CSMD1: variants seen among roughly 807,000 people sequenced by gnomAD.
The protein encoded by CSMD1 is CUB and Sushi multiple domains 1, also known as CUB and sushi domain-containing protein 1.
Under a neutral mutation model 417.5 loss-of-function variants are expected in CSMD1, and 213 were observed. The observed-to-expected ratio is 0.51, with a 90% CI of 0.46 to 0.57. CSMD1 has a LOEUF of 0.57. Ranked by LOEUF, CSMD1 falls within the 20% of genes least tolerant of loss-of-function variation. The pLI, the probability that CSMD1 is intolerant of heterozygous loss-of-function variation, is 0.00. For synonymous variants in CSMD1, 2,862 were observed against 1,736.8 expected (o/e 1.65, Z -16.11); for missense variants, 6,923 against 4,529.7 (o/e 1.53, Z -15.17).
chr8:3,251,580 G>C (rs957031313), intron 26 of CSMD1, among the ~76,000 whole-genome samples: 5 of 152,126 alleles, frequency 3.3e-5, no homozygotes, highest in Non-Finnish European at 5.9e-5. Context: ...CTTTAAAGTA[G>C]TTTTTTCCAA....
At chr8:4,422,989 A>G (rs145959427) in intron 2 of CSMD1, among the ~76,000 whole-genome samples, 176 of 152,210 alleles carry the variant, frequency 1.2e-3, no homozygotes, top group African/African-American at 2.8e-3. Flanking sequence ...TGAACATGAG[A>G]AAAGTTCTCA....
chr8:3,415,949 C>A (rs575547703), intron 12 of CSMD1, among the ~76,000 whole-genome samples: 1,887 of 152,216 alleles, frequency 0.012, 18 homozygotes, highest in Non-Finnish European at 0.02. Context: ...ATTTTTGGCA[C>A]TTACAATGAG....
chr8:3,594,236 A>C (rs1402442364), intron 8 of CSMD1, among the ~76,000 whole-genome samples: 1 of 152,132 alleles, frequency 6.6e-6, no homozygotes, highest in African/African-American at 2.4e-5. Context: ...GGACCGTATT[A>C]ATGAGCTGCT....
intron 6 of CSMD1, among the ~76,000 whole-genome samples, chr8:3,753,561 T>A (rs1170947254): frequency 2.0e-5 from 3 of 152,212 alleles, no homozygotes; most frequent in Admixed American, 2.0e-4. Flanking sequence ...TTTTTGTGCA[T>A]TTTCATGCAA....
At chr8:3,425,296 A>G (rs1813762866) in intron 12 of CSMD1, among the ~76,000 whole-genome samples, 1 of 152,168 alleles carries the variant, frequency 6.6e-6, no homozygotes, top group African/African-American at 2.4e-5. Flanking sequence ...TATGTTGAAA[A>G]TGCCCTGTCC....
At chr8:3,246,378 G>C (rs1441337277) in intron 26 of CSMD1, among the ~76,000 whole-genome samples, 1 of 152,168 alleles carries the variant, frequency 6.6e-6, no homozygotes, top group Non-Finnish European at 1.5e-5. Context: ...TGAAATGCCA[G>C]TTTCTCCTCC....
intron 1 of CSMD1, among the ~76,000 whole-genome samples, chr8:4,983,532 TG>T (rs1196455580): frequency 3.9e-5 from 6 of 152,294 alleles, no homozygotes; most frequent in Non-Finnish European, 5.9e-5. Context: ...TAACACTTTT[TG>T]TTTTTTGAAA....
intron 2 of CSMD1, among the ~76,000 whole-genome samples, chr8:4,575,544 T>G (rs1040323310): frequency 5.3e-5 from 8 of 152,214 alleles, no homozygotes; most frequent in African/African-American, 1.9e-4. Flanking sequence ...GAGCACCTCT[T>G]GGCCATCAAA....
rs764100146 is a variant in CSMD1, at chr8:3,205,557, T to C, written c.4931A>G (p.Asn1644Ser). 6.2e-7 allele frequency: 1 copy of C among 1,603,494 alleles called. No individual in the cohort carries two copies. The highest frequency in any genetic ancestry group is 2.2e-5 in the East Asian group (1 of 44,716). ...GAGGCATATTTGACCAGCTGTGTAA[T>C]TATGGGGGTAGTTTGGTGATAAAAC... ...GVVLSPNYPH[N>S]YTAGQICLYS... The change falls in exon 31 of 70, where the codon AAT (asparagine) becomes AGT (serine). Residue 1644 changes from asparagine (N) to serine (S), a missense_variant. Transcript: ENST00000635120.
At chr8:3,044,248 A>G (rs527817794) in intron 50 of CSMD1, among the ~76,000 whole-genome samples, 4 of 152,332 alleles carry the variant, frequency 2.6e-5, no homozygotes, top group South Asian at 2.1e-4. Context: ...GTGTCAATCA[A>G]TGCCAAATGT....
At chr8:3,080,597 T>C (rs927550815) in intron 49 of CSMD1, among the ~76,000 whole-genome samples, 1 of 152,194 alleles carries the variant, frequency 6.6e-6, no homozygotes, top group Non-Finnish European at 1.5e-5. Context: ...AAGATCTCTG[T>C]CCGGGTTGTG....
chr8:4,149,733 C>T (rs1182176350), intron 3 of CSMD1, among the ~76,000 whole-genome samples: 1 of 152,158 alleles, frequency 6.6e-6, no homozygotes, highest in Non-Finnish European at 1.5e-5. Context: ...TTCCAAATAA[C>T]CTCAACTCCA....
chr8:3,640,908 T>C (rs937644202), intron 7 of CSMD1, among the ~76,000 whole-genome samples: 1 of 152,118 alleles, frequency 6.6e-6, no homozygotes, highest in Non-Finnish European at 1.5e-5. Flanking sequence ...TTAATCATGG[T>C]TTGCCAGCTT....
At chr8:4,066,813 G>A (rs10217067) in intron 3 of CSMD1, among the ~76,000 whole-genome samples, 50,823 of 152,124 alleles carry the variant, frequency 0.33, 9,007 homozygotes, top group South Asian at 0.36. Context: ...CTCCAAAAGC[G>A]AAAGCGACAA....
At chr8:4,663,769 A>G (rs983231468) in intron 1 of CSMD1, among the ~76,000 whole-genome samples, 1 of 152,180 alleles carries the variant, frequency 6.6e-6, no homozygotes, top group Admixed American at 6.5e-5. Context: ...GTAACGTGAG[A>G]ATGGACTAAT....
intron 3 of CSMD1, among the ~76,000 whole-genome samples, chr8:4,075,853 G>C (rs541498458): frequency 2.6e-5 from 4 of 152,146 alleles, no homozygotes; most frequent in African/African-American, 9.7e-5. Flanking sequence ...ATTGTCCTCA[G>C]GGAGCCAGTT....
intron 5 of CSMD1, among the ~76,000 whole-genome samples, chr8:3,897,573 TA>T (rs957093932): frequency 6.4e-4 from 91 of 143,300 alleles, no homozygotes; most frequent in Admixed American, 7.0e-4. Flanking sequence ...ACTACCTCAG[TA>T]AAAAAAAAAA....
At chr8:3,720,873 G>A (rs1042418130) in intron 6 of CSMD1, among the ~76,000 whole-genome samples, 14 of 151,038 alleles carry the variant, frequency 9.3e-5, no homozygotes, top group African/African-American at 2.5e-4. Context: ...GTGCAATGGC[G>A]TGATCTCGGC....
chr8:4,669,501 T>A (rs1324885679), intron 1 of CSMD1, among the ~76,000 whole-genome samples: 1 of 152,180 alleles, frequency 6.6e-6, no homozygotes, highest in Non-Finnish European at 1.5e-5. Flanking sequence ...ATCTTTCCTT[T>A]CTGCCTACCC....
Sources: allele counts gnomAD v4.1 joint callset (sites outside exome capture counted in the v4.1 genomes callset), GRCh38; gene constraint gnomAD v4.1.1; transcripts MANE v1.5; gene names NCBI Gene and HGNC (gene_info 2026-07-23, HGNC 2026-07-21).